CXCL13: variants seen among roughly 807,000 people sequenced by gnomAD.
The protein encoded by CXCL13 is C-X-C motif chemokine ligand 13, also known as C-X-C motif chemokine 13.
A neutral mutation model predicts 12.2 loss-of-function variants in CXCL13; 7 were observed. The ratio of observed to expected loss-of-function variants is 0.57; its 90% confidence interval spans 0.33 to 1.07. CXCL13 has a LOEUF of 1.07. CXCL13 is among the 50% of genes least tolerant of loss of function. The pLI, the probability that CXCL13 is intolerant of heterozygous loss-of-function variation, is 0.04. For synonymous variants in CXCL13, 47 were observed against 42.4 expected, an observed-to-expected ratio of 1.11 and a Z score of -0.42; for missense variants, 113 against 127.4, an observed-to-expected ratio of 0.89 and a Z score of 0.55.
chr4:77,540,244 T>C (rs765053132), intron 1 of CXCL13, among the ~76,000 whole-genome samples: 1 of 152,172 alleles, frequency 6.6e-6, no homozygotes, highest in Admixed American at 6.5e-5. Context: ...AAATATGCCA[T>C]AAATACATTT....
intron 1 of CXCL13, among the ~76,000 whole-genome samples, chr4:77,565,105 G>T (rs899858396): frequency 6.6e-6 from 1 of 152,172 alleles, no homozygotes; most frequent in Non-Finnish European, 1.5e-5. Context: ...CAATGAGAGG[G>T]AACTGAATGG....
At chr4:77,563,631 A>G (rs1725864247) in intron 1 of CXCL13, among the ~76,000 whole-genome samples, 1 of 152,228 alleles carries the variant, frequency 6.6e-6, no homozygotes. Context: ...AATGAGTATA[A>G]CACTCTCAAG....
chr4:77,530,630 A>T (rs13131411), intron 1 of CXCL13, among the ~76,000 whole-genome samples: 11,884 of 151,874 alleles, frequency 0.078, 626 homozygotes, highest in South Asian at 0.13. Context: ...ATCCCCTTTA[A>T]CATTTTTTAT....
At chr4:77,528,962 G>T (rs896165979) in intron 1 of CXCL13, among the ~76,000 whole-genome samples, 2 of 152,174 alleles carry the variant, frequency 1.3e-5, no homozygotes. Flanking sequence ...TGTATAAGGT[G>T]TAAGGAAGGG....
At chr4:77,525,678 T>C (rs1197036282) in intron 1 of CXCL13, among the ~76,000 whole-genome samples, 1 of 152,134 alleles carries the variant, frequency 6.6e-6, no homozygotes, top group Non-Finnish European at 1.5e-5. Flanking sequence ...TTGCCTTTTG[T>C]TAGAATGACT....
At chr4:77,524,955 A>C (rs1724722818) in intron 1 of CXCL13, among the ~76,000 whole-genome samples, 1 of 152,224 alleles carries the variant, frequency 6.6e-6, no homozygotes, top group African/African-American at 2.4e-5. Flanking sequence ...TATGGTTTGA[A>C]TGTATATGAC....
chr4:77,594,802 T>C (rs1435736704), intron 1 of CXCL13, among the ~76,000 whole-genome samples: 1 of 152,168 alleles, frequency 6.6e-6, no homozygotes, highest in African/African-American at 2.4e-5. Context: ...AGCTAATGCA[T>C]GTGAGGCTTA....
intron 1 of CXCL13, among the ~76,000 whole-genome samples, chr4:77,512,143 T>A (rs745905909): frequency 1.3e-5 from 2 of 152,212 alleles, no homozygotes; most frequent in Admixed American, 1.3e-4. Context: ...TTTACTTCCA[T>A]ATTATTCAAT....
chr4:77,607,859 T>C (rs199904547), intron 2 of CXCL13, 24 bp downstream of exon 2: 10 of 1,608,874 alleles, frequency 6.2e-6, no homozygotes, highest in Admixed American at 1.7e-5. Context: ...GAAAAATAAA[T>C]AAGATTTCCT....
chr4:77,559,784 T>C (rs938594565), intron 1 of CXCL13, among the ~76,000 whole-genome samples: 14 of 151,946 alleles, frequency 9.2e-5, no homozygotes, highest in African/African-American at 3.4e-4. Context: ...TAGTCGGGCA[T>C]GGTGGCGGGT....
At chr4:77,560,581 T>C (rs1182510910) in intron 1 of CXCL13, among the ~76,000 whole-genome samples, 1 of 152,236 alleles carries the variant, frequency 6.6e-6, no homozygotes, top group Non-Finnish European at 1.5e-5. Context: ...AAGTCTCCTT[T>C]CTAGCTGTAC....
At chr4:77,569,752 C>A (rs1286130995) in intron 1 of CXCL13, among the ~76,000 whole-genome samples, 2 of 152,190 alleles carry the variant, frequency 1.3e-5, no homozygotes, top group Non-Finnish European at 2.9e-5. Context: ...CAAGGACATT[C>A]TTCACAGAAC....
At chr4:77,568,805 C>T (rs1348405787) in intron 1 of CXCL13, among the ~76,000 whole-genome samples, 2 of 152,200 alleles carry the variant, frequency 1.3e-5, no homozygotes, top group Non-Finnish European at 2.9e-5. Context: ...TTGTGGGTTA[C>T]AGTCCCACCC....
intron 1 of CXCL13, among the ~76,000 whole-genome samples, chr4:77,554,576 A>T (rs967205561): frequency 7.4e-4 from 112 of 152,324 alleles, no homozygotes; most frequent in African/African-American, 1.8e-3. Context: ...GAATAGCAGT[A>T]TCAACCAACT....
chr4:77,561,945 C>G (rs1725825425), intron 1 of CXCL13, among the ~76,000 whole-genome samples: 1 of 152,172 alleles, frequency 6.6e-6, no homozygotes, highest in African/African-American at 2.4e-5. Context: ...AGCACAAGTT[C>G]TGGGTGGGTG....
chr4:77,523,138 A>C (rs1347730455), intron 1 of CXCL13, among the ~76,000 whole-genome samples: 1 of 152,114 alleles, frequency 6.6e-6, no homozygotes, highest in African/African-American at 2.4e-5. Flanking sequence ...GGCTGCCCTT[A>C]ACATTTTTTC....
At chr4:77,608,669 G>C (rs1172416746) in intron 2 of CXCL13, among the ~76,000 whole-genome samples, 3 of 152,148 alleles carry the variant, frequency 2.0e-5, no homozygotes, top group Non-Finnish European at 4.4e-5. Flanking sequence ...CCAGTGCTTG[G>C]GGCCTTGGAC....
intron 1 of CXCL13, among the ~76,000 whole-genome samples, chr4:77,578,528 A>C (rs1358348315): frequency 1.3e-5 from 2 of 152,170 alleles, no homozygotes; most frequent in Non-Finnish European, 2.9e-5. Context: ...CACTGGGAGA[A>C]TGGGGTGGAG....
intron 1 of CXCL13, among the ~76,000 whole-genome samples, chr4:77,573,362 T>TGTGTG (rs1726133949): frequency 7.4e-6 from 1 of 134,910 alleles, no homozygotes; most frequent in African/African-American, 2.8e-5. Context: ...ATTGGGTCTT[T>TGTGTG]TGTGTGTGTG....
Sources: allele counts gnomAD v4.1 joint callset (sites outside exome capture counted in the v4.1 genomes callset), GRCh38; gene constraint gnomAD v4.1.1; transcripts MANE v1.5; gene names NCBI Gene and HGNC (gene_info 2026-07-23, HGNC 2026-07-21).